Variants in SPAG9 observed in about 807,000 individuals in gnomAD.
SPAG9 encodes C-Jun-amino-terminal kinase-interacting protein 4.
Under a neutral mutation model 166.5 loss-of-function variants are expected in SPAG9, and 35 were observed. That is an observed-to-expected ratio of 0.21 (90% CI 0.16 to 0.28). The LOEUF is 0.28. Among genes scored for constraint, SPAG9 ranks in the 10% least tolerant of loss-of-function variants. The probability of loss-of-function intolerance (pLI) is 1.00; values close to 1 mark genes in which losing one functional copy is unlikely to be tolerated. For synonymous variants in SPAG9, 534 were observed against 565.5 expected (o/e 0.94, Z 0.79); for missense variants, 1,235 against 1,603.3 (o/e 0.77, Z 3.92).
chr17:50,978,017 A>G (rs895523202), intron 26 of SPAG9, among the ~76,000 whole-genome samples: 1 of 152,256 alleles, frequency 6.6e-6, no homozygotes, highest in Non-Finnish European at 1.5e-5. Context: ...CCTCATTTAT[A>G]TACTTAGGTT....
chr17:51,078,519 C>T (rs992815554), intron 2 of SPAG9, among the ~76,000 whole-genome samples: 3 of 151,962 alleles, frequency 2.0e-5, no homozygotes, highest in Non-Finnish European at 4.4e-5. Context: ...TCCTTTGCTC[C>T]CTAGGATTCT....
At chr17:50,989,231 T>C (rs752455737) in intron 21 of SPAG9, among the ~76,000 whole-genome samples, 2 of 152,198 alleles carry the variant, frequency 1.3e-5, no homozygotes, top group Non-Finnish European at 2.9e-5. Context: ...TACTTACCGT[T>C]ATGTTCCAAT....
intron 29 of SPAG9, among the ~76,000 whole-genome samples, chr17:50,968,220 A>G (rs1427925826): frequency 1.3e-5 from 2 of 152,252 alleles, no homozygotes; most frequent in African/African-American, 4.8e-5. Flanking sequence ...AAAAGTGTCA[A>G]CAAACTTTTT....
chr17:51,018,855 T>C (rs2045814663), intron 8 of SPAG9, among the ~76,000 whole-genome samples: 1 of 152,180 alleles, frequency 6.6e-6, no homozygotes, highest in Non-Finnish European at 1.5e-5. Context: ...TCCACTCTGT[T>C]ACTTCCTTCA....
intron 7 of SPAG9, among the ~76,000 whole-genome samples, chr17:51,020,499 A>T (rs112853065): frequency 6.6e-6 from 1 of 152,206 alleles, no homozygotes; most frequent in African/African-American, 2.4e-5. Flanking sequence ...ACACAGTACA[A>T]TGTATCCAAG....
At chr17:51,064,596 A>C (rs2047609021) in intron 2 of SPAG9, among the ~76,000 whole-genome samples, 1 of 152,196 alleles carries the variant, frequency 6.6e-6, no homozygotes, top group Non-Finnish European at 1.5e-5. Flanking sequence ...GTCACAAAAG[A>C]CCATATATTG....
intron 15 of SPAG9, 56 bp downstream of exon 15, chr17:50,998,388 T>C: frequency 1.3e-6 from 2 of 1,495,498 alleles, no homozygotes; most frequent in Non-Finnish European, 1.8e-6. Context: ...AGGCCAAGAA[T>C]ATTCTGAACC....
At chr17:51,079,493 C>A in intron 2 of SPAG9, 91 bp downstream of exon 2, 1 of 1,234,272 alleles carries the variant, frequency 8.1e-7, no homozygotes, top group South Asian at 1.4e-5. Flanking sequence ...CCTACCTCGG[C>A]CTCCCAAAGT....
At chr17:51,026,609 A>G (rs1223347949) in intron 6 of SPAG9, among the ~76,000 whole-genome samples, 1 of 151,826 alleles carries the variant, frequency 6.6e-6, no homozygotes, top group African/African-American at 2.4e-5. Context: ...TCCCAGAGAT[A>G]CAGCATGAGA....
At chr17:50,985,344 T>A (rs1022516881) in intron 23 of SPAG9, among the ~76,000 whole-genome samples, 8 of 152,192 alleles carry the variant, frequency 5.3e-5, no homozygotes, top group African/African-American at 1.9e-4. Flanking sequence ...CTGATTTTTT[T>A]ACAGTGAACA....
intron 12 of SPAG9, among the ~76,000 whole-genome samples, chr17:51,003,926 CT>C (rs2045077025): frequency 6.6e-6 from 1 of 152,166 alleles, no homozygotes; most frequent in Non-Finnish European, 1.5e-5. Context: ...TTGTAAAAAG[CT>C]GAGACAAACT....
Position 50,989,524 on chromosome 17 carries a change from C to T in SPAG9, c.2813+153G>A, listed in dbSNP as rs190152780. 2.1e-5 allele frequency: 15 copies of T among 717,686 alleles called. No individual in the cohort carries two copies. The East Asian group carries it at 2.4e-4, about 12-fold the overall frequency. 44.5% of individuals were successfully genotyped at this position (717,686 alleles called of 1,614,324 possible). On this transcript the variant is annotated intron_variant, in intron 21 of 29. Transcript: ENST00000262013. ...GGAATATCCAGCGAGAATGATGGAG[C>T]GGGAATACATGAAATTATCACAAGA... is the stretch of plus-strand genomic sequence containing the variant.
intron 5 of SPAG9, among the ~76,000 whole-genome samples, chr17:51,034,565 G>T (rs1007128315): frequency 2.0e-5 from 3 of 152,116 alleles, no homozygotes; most frequent in East Asian, 3.8e-4. Context: ...TGATAGGTTC[G>T]CATAGCCCAC....
intron 3 of SPAG9, among the ~76,000 whole-genome samples, chr17:51,050,231 T>C (rs2047144110): frequency 6.6e-6 from 1 of 152,068 alleles, no homozygotes; most frequent in Non-Finnish European, 1.5e-5. Flanking sequence ...AAACTAGCAC[T>C]TTAAAGGAAA....
intron 4 of SPAG9, chr17:51,047,055 CA>C (rs1157730867): frequency 2.3e-6 from 1 of 443,594 alleles, no homozygotes; most frequent in Non-Finnish European, 3.0e-6. Context: ...GACTTCAAAC[CA>C]ATTACACGGG....
At chr17:51,068,382 T>C (rs12951879) in intron 2 of SPAG9, among the ~76,000 whole-genome samples, 46,387 of 152,118 alleles carry the variant, frequency 0.3, 7,145 homozygotes, top group Admixed American at 0.36. Context: ...TTTAAAGCTA[T>C]CATGAATCAA....
At chr17:50,989,457 G>T in intron 21 of SPAG9, 1 of 589,016 alleles carries the variant, frequency 1.7e-6, no homozygotes, top group Non-Finnish European at 3.0e-6. Flanking sequence ...TTATAGATAA[G>T]ATTTTTTTTT....
chr17:50,992,952 C>T (rs578117003), intron 19 of SPAG9, among the ~76,000 whole-genome samples: 10 of 151,924 alleles, frequency 6.6e-5, no homozygotes, highest in Non-Finnish European at 1.3e-4. Flanking sequence ...AAAAATTAGC[C>T]GGGTGTAGTG....
In SPAG9 at chr17:51,114,457, C is replaced by G. The variant is rs548539882; in HGVS notation, c.303+5897G>C. Among the ~76,000 whole-genome samples the G allele has an allele frequency of 3.9e-5, 6 of 152,160 alleles. No individual in the cohort carries two copies. In the South Asian group the frequency reaches 1.2e-3, roughly 32 times the overall value. On this transcript the variant is annotated intron_variant, in intron 1 of 29. Coordinates refer to ENST00000262013, the MANE Select transcript of SPAG9 (RefSeq NM_001130528.3). ...CCAGCCTGGCTAACATGGTGAAACCCCATCTCTACTAAAAATACAAAAAGT... is the reference window on the plus strand; with the variant it reads ...CCAGCCTGGCTAACATGGTGAAACCGCATCTCTACTAAAAATACAAAAAGT...
Sources: gnomAD v4.1 joint callset for allele counts (sites outside exome capture counted in the v4.1 genomes callset) on GRCh38, gnomAD v4.1.1 for gene constraint, MANE v1.5 for transcripts, NCBI Gene and HGNC (gene_info 2026-07-23, HGNC 2026-07-21) for gene names.